The following DOCK9 variants were observed in gnomAD, a reference collection of about 807,000 sequenced individuals.
The protein encoded by DOCK9 is dedicator of cytokinesis protein 9.
DOCK9 carries 89 observed loss-of-function variants against 263.3 expected under a neutral mutation model. The ratio of observed to expected loss-of-function variants is 0.34; its 90% confidence interval spans 0.28 to 0.40. DOCK9 has a LOEUF of 0.40. Ranked by LOEUF, DOCK9 falls within the 10% of genes least tolerant of loss-of-function variation. DOCK9 has a pLI of 1.00. For synonymous variants in DOCK9, 976 were observed against 973.1 expected, an observed-to-expected ratio of 1.00 and a Z score of -0.06; for missense variants, 2,140 against 2,603.4, an observed-to-expected ratio of 0.82 and a Z score of 3.87.
chr13:99,038,293 T>TCCC (rs1566338412), intron 1 of DOCK9, among the ~76,000 whole-genome samples: 4 of 55,958 alleles, frequency 7.1e-5, no homozygotes, highest in African/African-American at 1.6e-4. Flanking sequence ...CCCCCCTTTT[T>TCCC]TTTTTTTTTT....
rs2057926048 is a variant in DOCK9 at position 98,955,338 on chromosome 13, AT to A, written c.243+96del. ...TGTCTCAAAAAAAATAATAATAATAATAATTAACTAACCAAACAATAAATCA... is the reference window on the plus strand; with the variant it reads ...TGTCTCAAAAAAAATAATAATAATAAAATTAACTAACCAAACAATAAATCA... On this transcript the variant is annotated intron_variant, in intron 2 of 52. Coordinates refer to ENST00000682017, the MANE Select transcript of DOCK9 (RefSeq NM_001366683.2). 112 of 794,814 alleles carry A rather than the reference AT, an allele frequency of 1.4e-4. No homozygotes were observed. The South Asian group carries it at 2.8e-3, about 20-fold the overall frequency. The allele number at this position is 794,814 out of a possible 1,614,324, so 49.2% of individuals were successfully genotyped here. A position where few individuals can be genotyped will look rare whatever the true frequency, so the allele number is the denominator to read the frequency against.
chr13:98,830,702 C>A (rs1254638656), intron 41 of DOCK9, among the ~76,000 whole-genome samples: 1 of 152,224 alleles, frequency 6.6e-6, no homozygotes, highest in Non-Finnish European at 1.5e-5. Flanking sequence ...ACAGTGGTCA[C>A]ACTTGTACTC....
chr13:98,973,601 CT>C (rs1349075014), intron 1 of DOCK9, among the ~76,000 whole-genome samples: 1 of 152,110 alleles, frequency 6.6e-6, no homozygotes, highest in East Asian at 1.9e-4. Flanking sequence ...TGAAAAGAAA[CT>C]TTTATTTTCT....
intron 38 of DOCK9, among the ~76,000 whole-genome samples, chr13:98,844,017 A>G (rs1395319237): frequency 2.6e-5 from 4 of 152,214 alleles, no homozygotes; most frequent in Non-Finnish European, 5.9e-5. Context: ...ACCAATAGTG[A>G]GTTAACCTCT....
intron 1 of DOCK9, among the ~76,000 whole-genome samples, chr13:99,080,948 C>T (rs755272402): frequency 3.9e-5 from 6 of 152,236 alleles, no homozygotes; most frequent in Non-Finnish European, 7.3e-5. Context: ...AGTGATTTCA[C>T]AGTTCCTTCC....
chr13:99,050,341 G>A (rs561612245), intron 1 of DOCK9, among the ~76,000 whole-genome samples: 3 of 152,222 alleles, frequency 2.0e-5, no homozygotes, highest in East Asian at 1.9e-4. Context: ...CCGAGACAGC[G>A]AAACCTGAAT....
chr13:98,866,649 G>A (rs1180931376), intron 30 of DOCK9, among the ~76,000 whole-genome samples: 1 of 152,088 alleles, frequency 6.6e-6, no homozygotes, highest in African/African-American at 2.4e-5. Flanking sequence ...CTCTTCAAAC[G>A]TAAAAAGAAT....
chr13:98,946,824 T>C (rs553083041), intron 2 of DOCK9, among the ~76,000 whole-genome samples: 2 of 152,288 alleles, frequency 1.3e-5, no homozygotes, highest in East Asian at 3.9e-4. Flanking sequence ...TCCACAGCCC[T>C]TTCCTGGGAC....
At chr13:98,840,339 C>T (rs1339433119) in intron 38 of DOCK9, among the ~76,000 whole-genome samples, 2 of 152,190 alleles carry the variant, frequency 1.3e-5, no homozygotes, top group South Asian at 2.1e-4. Context: ...TGCACTGATT[C>T]GCTCCAGCCA....
chr13:98,908,142 C>A (rs7331504), intron 9 of DOCK9, among the ~76,000 whole-genome samples: 1 of 151,914 alleles, frequency 6.6e-6, no homozygotes, highest in Non-Finnish European at 1.5e-5. Flanking sequence ...TGTGAACAAG[C>A]AAGTCAGGAA....
At chr13:98,968,408 G>C (rs370169231) in intron 1 of DOCK9, among the ~76,000 whole-genome samples, 15 of 152,150 alleles carry the variant, frequency 9.9e-5, no homozygotes, top group African/African-American at 3.6e-4. Flanking sequence ...ATCACTTGAG[G>C]CCAAGAGTTC....
intron 1 of DOCK9, among the ~76,000 whole-genome samples, chr13:99,069,614 T>C (rs2041581603): frequency 1.3e-5 from 2 of 152,198 alleles, no homozygotes; most frequent in African/African-American, 4.8e-5. Context: ...ACCACAAAGG[T>C]TTATCCATGG....
chr13:98,963,386 C>G (rs142764592), intron 1 of DOCK9, among the ~76,000 whole-genome samples: 1 of 152,232 alleles, frequency 6.6e-6, no homozygotes, highest in Non-Finnish European at 1.5e-5. Flanking sequence ...AGCAGACCTG[C>G]ACAATGTTCG....
At chr13:98,915,625 G>C (rs2050765662) in intron 7 of DOCK9, 122 bp from the exon 8 acceptor site, 2 of 913,528 alleles carry the variant, frequency 2.2e-6, no homozygotes, top group African/African-American at 3.4e-5. Context: ...ATTTTAAATA[G>C]CTTGCCCCCT....
Position 98,927,724 on chromosome 13 carries a change from G to A in DOCK9, c.334-1805C>T, listed in dbSNP as rs375872652. 1.5e-3 allele frequency among the ~76,000 whole-genome samples: 232 copies of A among 151,994 alleles called. 9 individuals carry two copies. The South Asian group carries it at 0.045, about 30-fold the overall frequency. On this transcript the variant is annotated intron_variant, in intron 3 of 52. Coordinates refer to ENST00000682017, the MANE Select transcript of DOCK9 (RefSeq NM_001366683.2). ...CAACCTCTGCCTCCCGGGTTCAAGC[G>A]ATTCTCCTACCTCAGCCTCCCGAGT...
intron 38 of DOCK9, among the ~76,000 whole-genome samples, chr13:98,845,039 A>C (rs2093347229): frequency 6.6e-6 from 1 of 152,210 alleles, no homozygotes; most frequent in Non-Finnish European, 1.5e-5. Flanking sequence ...TGGGTATTAT[A>C]AATGATCTCA....
chr13:98,819,825 GGGATAGTCTAT>G (rs2092149932), intron 45 of DOCK9, among the ~76,000 whole-genome samples: 1 of 152,212 alleles, frequency 6.6e-6, no homozygotes, highest in South Asian at 2.1e-4. Context: ...TCTATCTCCT[GGGATAGTCTAT>G]GGATATAAAC....
Position 98,902,953 on chromosome 13 carries a change from T to G in DOCK9, c.1176+19A>C. ...TGCCTATTTTTTTTTTAATGTTTATTTTTAAAATGAAAAATTACATTTGTA... is the reference window on the plus strand; with the variant it reads ...TGCCTATTTTTTTTTTAATGTTTATGTTTAAAATGAAAAATTACATTTGTA... On this transcript the variant is annotated intron_variant, in intron 11 of 52. Coordinates refer to ENST00000682017, the MANE Select transcript of DOCK9 (RefSeq NM_001366683.2). The G allele has an allele frequency of 6.7e-7, 1 of 1,496,078 alleles. No homozygotes were observed. Among genetic ancestry groups the G allele is most frequent in the Non-Finnish European group, 8.9e-7 (1 of 1,128,390 alleles). 92.7% of individuals were successfully genotyped at this position (1,496,078 alleles called of 1,614,324 possible).
intron 27 of DOCK9, chr13:98,871,608 G>A (rs2094188544): frequency 6.6e-6 from 1 of 152,246 alleles, no homozygotes; most frequent in South Asian, 2.1e-4. Flanking sequence ...AAACAGAAGA[G>A]GAAAATCTAA....
Sources: allele counts gnomAD v4.1 joint callset (sites outside exome capture counted in the v4.1 genomes callset), GRCh38; gene constraint gnomAD v4.1.1; transcripts MANE v1.5; gene names NCBI Gene and HGNC (gene_info 2026-07-23, HGNC 2026-07-21).